ACYP2: variants seen among roughly 807,000 people sequenced by gnomAD.
ACYP2 encodes the protein acylphosphatase-2.
A neutral mutation model predicts 11.2 loss-of-function variants in ACYP2; 12 were observed. The observed-to-expected ratio is 1.08, with a 90% CI of 0.69 to 1.74. The LOEUF is 1.74. Among genes scored for constraint, ACYP2 ranks in the 40% most tolerant of loss-of-function variants. ACYP2 has a pLI of 0.00. For missense variants in ACYP2, 134 were observed against 101.9 expected (o/e 1.31, Z -1.35); for synonymous variants, 43 against 32.2 (o/e 1.33, Z -1.13).
intron 6 of ACYP2, among the ~76,000 whole-genome samples, chr2:54,139,735 G>A (rs1257432037): frequency 6.6e-6 from 1 of 152,066 alleles, no homozygotes; most frequent in African/African-American, 2.4e-5. Context: ...TTTGCTTATT[G>A]TAATAAGTGA....
chr2:54,160,612 CT>C (rs1682670123), intron 6 of ACYP2, among the ~76,000 whole-genome samples: 1 of 152,178 alleles, frequency 6.6e-6, no homozygotes, highest in South Asian at 2.1e-4. Context: ...GAATAAGGAC[CT>C]TTCAGGAGAA....
At chr2:54,169,784 A>C (rs1171046437) in intron 6 of ACYP2, among the ~76,000 whole-genome samples, 1 of 152,180 alleles carries the variant, frequency 6.6e-6, no homozygotes, top group Non-Finnish European at 1.5e-5. Context: ...GGATGCTAAG[A>C]GTCAAACAGT....
intron 2 of ACYP2, among the ~76,000 whole-genome samples, chr2:54,032,959 GA>G (rs1487850591): frequency 6.6e-6 from 1 of 152,222 alleles, no homozygotes; most frequent in African/African-American, 2.4e-5. Context: ...AAGCTGGAAA[GA>G]AAGAGTTCCA....
At chr2:54,256,078 C>G in intron 6 of ACYP2, 2 of 1,614,162 alleles carry the variant, frequency 1.2e-6, no homozygotes, top group Non-Finnish European at 8.5e-7. Flanking sequence ...TTCTCGGGAC[C>G]TCTGGCCCTG....
chr2:54,129,675 A>T (rs1680777004), intron 4 of ACYP2, among the ~76,000 whole-genome samples: 1 of 149,534 alleles, frequency 6.7e-6, no homozygotes, highest in Non-Finnish European at 1.5e-5. Flanking sequence ...TATGTGTATT[A>T]TATATTCAGT....
chr2:54,252,221 A>T (rs1392725022), intron 6 of ACYP2, among the ~76,000 whole-genome samples: 1 of 152,200 alleles, frequency 6.6e-6, no homozygotes, highest in Non-Finnish European at 1.5e-5. Flanking sequence ...TGTGAGATTC[A>T]TTCATATTAT....
intron 6 of ACYP2, among the ~76,000 whole-genome samples, chr2:54,248,682 G>A (rs1252055673): frequency 1.3e-5 from 2 of 152,038 alleles, no homozygotes; most frequent in Non-Finnish European, 2.9e-5. Context: ...TTGAGAACAG[G>A]GACTATGTCT....
At chr2:54,055,874 CAG>C (rs1676115989) in intron 3 of ACYP2, among the ~76,000 whole-genome samples, 2 of 152,188 alleles carry the variant, frequency 1.3e-5, no homozygotes, top group East Asian at 1.9e-4. Flanking sequence ...GTGATAAACA[CAG>C]AGTCTAATAA....
chr2:54,019,272 A>G (rs1218607898), intron 2 of ACYP2, among the ~76,000 whole-genome samples: 3 of 151,498 alleles, frequency 2.0e-5, no homozygotes, highest in East Asian at 2.0e-4. Flanking sequence ...GTGTCTCCCT[A>G]TGTCACCCAG....
intron 2 of ACYP2, among the ~76,000 whole-genome samples, chr2:54,010,562 G>A (rs923520912): frequency 1.1e-4 from 17 of 151,164 alleles, no homozygotes; most frequent in Non-Finnish European, 1.6e-4. Flanking sequence ...AATATTTCAT[G>A]TGTCCCATAA....
chr2:54,010,021 A>G (rs1412785506), intron 2 of ACYP2, among the ~76,000 whole-genome samples: 1 of 152,198 alleles, frequency 6.6e-6, no homozygotes, highest in Non-Finnish European at 1.5e-5. Flanking sequence ...AATTACTCTT[A>G]GAACAAATAC....
chr2:54,188,302 C>A (rs2103881551), intron 6 of ACYP2, among the ~76,000 whole-genome samples: 1 of 152,188 alleles, frequency 6.6e-6, no homozygotes, highest in African/African-American at 2.4e-5. Flanking sequence ...GGAACTAATA[C>A]ATGGAGAAAA....
intron 2 of ACYP2, among the ~76,000 whole-genome samples, chr2:54,018,736 A>G (rs1255579602): frequency 6.6e-6 from 1 of 152,086 alleles, no homozygotes; most frequent in African/African-American, 2.4e-5. Context: ...ATCAATCGCT[A>G]TCTGGGTACT....
At position 54,060,678 on chromosome 2, in the gene ACYP2, C is replaced by A. The variant is rs550643608; in HGVS notation, c.277+3318C>A. ...TGGTATGATAGAATTTTATCAGATT[C>A]TCTAGCCACCCATGTGTAGTCATAA... is the stretch of plus-strand genomic sequence containing the variant. On this transcript the variant is annotated intron_variant, in intron 4 of 6. Transcript: ENST00000607452. Among the ~76,000 whole-genome samples the A allele has an allele frequency of 2.6e-5, 4 of 152,322 alleles. No individual in the cohort carries two copies. In the East Asian group the frequency reaches 5.8e-4, roughly 22 times the overall value.
intron 6 of ACYP2, among the ~76,000 whole-genome samples, chr2:54,154,062 T>A (rs1682324996): frequency 2.0e-5 from 3 of 152,188 alleles, no homozygotes; most frequent in Admixed American, 2.0e-4. Context: ...GTTTTTTTTT[T>A]TGATGGCTGT....
At chr2:54,164,156 C>T (rs1386288050) in intron 6 of ACYP2, among the ~76,000 whole-genome samples, 1 of 152,018 alleles carries the variant, frequency 6.6e-6, no homozygotes, top group East Asian at 1.9e-4. Context: ...CTTAGACATT[C>T]AGAGGAGAGG....
chr2:54,286,335 G>GA (rs748614336), intron 6 of ACYP2, among the ~76,000 whole-genome samples: 1 of 151,956 alleles, frequency 6.6e-6, no homozygotes, highest in Non-Finnish European at 1.5e-5. Context: ...TGCTAGCCTG[G>GA]AAAAAGATCA....
At chr2:54,123,186 A>G (rs1680257251) in intron 4 of ACYP2, 1 of 394,496 alleles carries the variant, frequency 2.5e-6, no homozygotes, top group Non-Finnish European at 4.5e-6. Context: ...ATGACACACT[A>G]ATGATACGCC....
chr2:54,152,023 A>C (rs1682197709), intron 6 of ACYP2, among the ~76,000 whole-genome samples: 1 of 151,476 alleles, frequency 6.6e-6, no homozygotes, highest in Non-Finnish European at 1.5e-5. Flanking sequence ...CATTATTAAC[A>C]TCTTGCATTA....
Sources: allele counts gnomAD v4.1 joint callset (sites outside exome capture counted in the v4.1 genomes callset), GRCh38; gene constraint gnomAD v4.1.1; transcripts MANE v1.5; gene names NCBI Gene and HGNC (gene_info 2026-07-23, HGNC 2026-07-21).